Variants in KALRN observed in about 807,000 individuals in gnomAD.
The protein encoded by KALRN is kalirin RhoGEF kinase, also known as kalirin.
In KALRN, 70 loss-of-function variants were observed where a neutral mutation model predicts 353.7. The observed-to-expected ratio is 0.20, with a 90% CI of 0.16 to 0.24. The LOEUF is 0.24. Ranked by LOEUF, KALRN falls within the 10% of genes least tolerant of loss-of-function variation. The probability of loss-of-function intolerance (pLI) is 1.00; values close to 1 mark genes in which losing one functional copy is unlikely to be tolerated. For missense variants in KALRN, 2,791 were observed against 3,756.7 expected (o/e 0.74, Z 6.72); for synonymous variants, 1,391 against 1,434.8 (o/e 0.97, Z 0.69).
chr3:124,075,185 C>G (rs1444818256), intron 1 of KALRN, among the ~76,000 whole-genome samples: 3 of 152,192 alleles, frequency 2.0e-5, no homozygotes, highest in Non-Finnish European at 4.4e-5. Context: ...TCTGCCAGTT[C>G]TAGAGCATGA....
intron 34 of KALRN, among the ~76,000 whole-genome samples, chr3:124,620,197 C>T (rs963509903): frequency 1.3e-5 from 2 of 152,110 alleles, no homozygotes; most frequent in Admixed American, 6.6e-5. Context: ...ACCTCCTGGG[C>T]TCAAGCAATT....
At position 124,640,417 on chromosome 3, in the gene KALRN, G is replaced by A. The variant is rs540523470; in HGVS notation, c.5664+3114G>A. On this transcript the variant is annotated intron_variant, in intron 37 of 59. Transcript: ENST00000682506. Reference sequence around the variant, plus strand: ...TTCTCATGCCTCAGCCTCCTGAGTAGCTGGGATTGCAGGCACACCACCATG... The same window carrying A: ...TTCTCATGCCTCAGCCTCCTGAGTAACTGGGATTGCAGGCACACCACCATG... Among the ~76,000 whole-genome samples the A allele has an allele frequency of 5.9e-5, 9 of 151,474 alleles. No homozygotes were observed. The South Asian group carries it at 1.9e-3, about 32-fold the overall frequency.
chr3:124,636,064 G>T (rs747714966), intron 36 of KALRN, among the ~76,000 whole-genome samples: 2 of 152,052 alleles, frequency 1.3e-5, no homozygotes, highest in Non-Finnish European at 2.9e-5. Flanking sequence ...GCTTTTTCCT[G>T]CAGTCCCCAA....
chr3:124,395,014 A>G (rs1188343556), intron 11 of KALRN, 121 bp from the exon 12 acceptor site: 1 of 679,682 alleles, frequency 1.5e-6, no homozygotes, highest in African/African-American at 1.8e-5. Flanking sequence ...AGTTGTGCTG[A>G]TGAGAATGGC....
At chr3:124,481,381 A>AT (rs1048748274) in intron 27 of KALRN, among the ~76,000 whole-genome samples, 16 of 151,702 alleles carry the variant, frequency 1.1e-4, no homozygotes, top group Admixed American at 1.1e-3. Context: ...TAATTTTTGT[A>AT]TTTTTTGTAG....
At chr3:124,175,410 T>A (rs2072549284) in intron 1 of KALRN, among the ~76,000 whole-genome samples, 1 of 151,464 alleles carries the variant, frequency 6.6e-6, no homozygotes, top group Non-Finnish European at 1.5e-5. Flanking sequence ...CTCTCCAGGA[T>A]GCGGAGATGC....
intron 19 of KALRN, among the ~76,000 whole-genome samples, chr3:124,443,914 A>G (rs374318585): frequency 7.2e-5 from 11 of 151,958 alleles, no homozygotes; most frequent in African/African-American, 2.7e-4. Flanking sequence ...ATGGGTTTCT[A>G]CTCCTTCCTT....
intron 33 of KALRN, among the ~76,000 whole-genome samples, chr3:124,538,490 G>T (rs897017294): frequency 2.6e-5 from 4 of 151,952 alleles, no homozygotes; most frequent in African/African-American, 9.7e-5. Flanking sequence ...GAGTATTCTG[G>T]GTCAAAATGA....
rs112811024 is a variant in KALRN at position 124,450,697 on chromosome 3, C to T, written c.3552+3812C>T. On this transcript the variant is annotated intron_variant, in intron 21 of 59. Coordinates refer to ENST00000682506, the MANE Select transcript of KALRN (RefSeq NM_001388419.1). ...CCTGCCTCAGCATCCCATGTAGCTGCGATTACAGGTGCTTGCCACCAGGTC... is the reference window on the plus strand; with the variant it reads ...CCTGCCTCAGCATCCCATGTAGCTGTGATTACAGGTGCTTGCCACCAGGTC... Among the ~76,000 whole-genome samples the T allele has an allele frequency of 2.9e-3, 441 of 151,750 alleles. 4 individuals carry two copies. The highest frequency in any genetic ancestry group is 0.01 in the African/African-American group (419 of 41,370).
chr3:124,391,526 C>T (rs2089379160), intron 11 of KALRN, among the ~76,000 whole-genome samples: 1 of 152,186 alleles, frequency 6.6e-6, no homozygotes, highest in African/African-American at 2.4e-5. Flanking sequence ...GAAGTAGTAG[C>T]AGAAGTGTCT....
chr3:124,474,093 A>G (rs900571035), intron 25 of KALRN, among the ~76,000 whole-genome samples: 2 of 152,194 alleles, frequency 1.3e-5, no homozygotes, highest in Admixed American at 6.5e-5. Flanking sequence ...TTGTAATTCA[A>G]TTCAGCTTTG....
At chr3:124,070,556 T>C (rs1202385803) in intron 1 of KALRN, among the ~76,000 whole-genome samples, 1 of 152,200 alleles carries the variant, frequency 6.6e-6, no homozygotes, top group East Asian at 1.9e-4. Context: ...CTGAACACAT[T>C]CCATGACTTG....
intron 26 of KALRN, among the ~76,000 whole-genome samples, chr3:124,476,869 C>T (rs184727890): frequency 1.3e-5 from 2 of 152,280 alleles, no homozygotes; most frequent in African/African-American, 4.8e-5. Flanking sequence ...GTATTCAGAG[C>T]AAATGCTGTC....
At chr3:124,427,153 T>A (rs532502037) in intron 15 of KALRN, among the ~76,000 whole-genome samples, 4 of 152,144 alleles carry the variant, frequency 2.6e-5, no homozygotes, top group Admixed American at 6.5e-5. Flanking sequence ...AAGAGAGGAA[T>A]TGAAGTAGAT....
chr3:124,171,967 A>T (rs2071905435), intron 1 of KALRN, among the ~76,000 whole-genome samples: 1 of 152,136 alleles, frequency 6.6e-6, no homozygotes. Flanking sequence ...GGCATCTTGG[A>T]GGAATGGAAA....
At chr3:124,656,180 A>G (rs2083997815) in intron 39 of KALRN, among the ~76,000 whole-genome samples, 1 of 152,182 alleles carries the variant, frequency 6.6e-6, no homozygotes. Context: ...GTAGTAAATT[A>G]AACAAATCTA....
At chr3:124,678,374 C>T in intron 50 of KALRN, 61 bp downstream of exon 50, 1 of 1,570,616 alleles carries the variant, frequency 6.4e-7, no homozygotes, top group Non-Finnish European at 8.7e-7. Context: ...CTGCAGCATT[C>T]TCACAAGCCA....
chr3:124,251,585 G>T (rs578048421), intron 3 of KALRN, among the ~76,000 whole-genome samples: 5 of 152,094 alleles, frequency 3.3e-5, no homozygotes, highest in African/African-American at 1.2e-4. Context: ...TGCCCAGGCT[G>T]GTCTCGAACC....
At chr3:124,263,755 G>T (rs2073181539) in intron 3 of KALRN, among the ~76,000 whole-genome samples, 1 of 152,122 alleles carries the variant, frequency 6.6e-6, no homozygotes, top group Non-Finnish European at 1.5e-5. Flanking sequence ...CCCAGTTTGG[G>T]CTTAGTGGCA....
Sources: gnomAD v4.1 joint callset for allele counts (sites outside exome capture counted in the v4.1 genomes callset) on GRCh38, gnomAD v4.1.1 for gene constraint, MANE v1.5 for transcripts, NCBI Gene and HGNC (gene_info 2026-07-23, HGNC 2026-07-21) for gene names.